Variants in LRRC45 observed in about 807,000 individuals in gnomAD.
LRRC45 encodes the protein leucine rich repeat containing 45.
Under a neutral mutation model 85.4 loss-of-function variants are expected in LRRC45, and 73 were observed. The observed-to-expected ratio is 0.85, with a 90% CI of 0.71 to 1.04. LRRC45 has a LOEUF of 1.04. Among genes scored for constraint, LRRC45 ranks in the 50% least tolerant of loss-of-function variants. The pLI, the probability that LRRC45 is intolerant of heterozygous loss-of-function variation, is 0.00. For missense variants in LRRC45, 937 were observed against 883.3 expected, an observed-to-expected ratio of 1.06 and a Z score of -0.77; for synonymous variants, 429 against 386.0, an observed-to-expected ratio of 1.11 and a Z score of -1.31.
At position 82,028,323 on chromosome 17, in the gene LRRC45, G is replaced by A; in HGVS notation, c.1125+12G>A. 1.2e-6 allele frequency: 2 copies of A among 1,600,454 alleles called. No individual in the cohort carries two copies. Among genetic ancestry groups the A allele is most frequent in the South Asian group, 1.1e-5 (1 of 89,378 alleles). On this transcript the variant is annotated intron_variant, in intron 10 of 16. Coordinates refer to ENST00000306688, the MANE Select transcript of LRRC45 (RefSeq NM_144999.4). Reference sequence around the variant, plus strand: ...TTCTGCAAAACCAGGTAGCTGTGGTGGATGGAGCCAGGGAGCCCAGGGTGG... The same window carrying A: ...TTCTGCAAAACCAGGTAGCTGTGGTAGATGGAGCCAGGGAGCCCAGGGTGG...
At chr17:82,026,378 G>T (rs1047791661) in intron 5 of LRRC45, among the ~76,000 whole-genome samples, 1 of 152,138 alleles carries the variant, frequency 6.6e-6, no homozygotes, top group Non-Finnish European at 1.5e-5. Context: ...ACACCAGGCG[G>T]CTCTTGCTCA....
At chr17:82,027,330 G>A (rs145375632) in intron 6 of LRRC45, 56 bp from the exon 7 acceptor site, 8 of 1,594,020 alleles carry the variant, frequency 5.0e-6, no homozygotes, top group Non-Finnish European at 6.9e-6. Context: ...CCCTGAGAAG[G>A]TCAGGTGGAC....
At chr17:82,029,399 G>A (rs1352027088) in intron 13 of LRRC45, 144 bp from the exon 14 acceptor site, 9 of 1,006,302 alleles carry the variant, frequency 8.9e-6, no homozygotes, top group Middle Eastern at 3.1e-4. Flanking sequence ...CTTGCCCAGC[G>A]AGCTAGGTGG....
rs1222396237 is a variant in LRRC45, at chr17:82,026,928, C to T, written c.691C>T (p.Leu231Phe). The stretch of plus-strand genomic sequence containing the variant: ...AGCCATGGGCCACAGCCAGGACCGG[C>T]TCACCACCTTCCAGGAGAACCAAGC... ...EQAMGHSQDR[L>F]TTFQENQART... The change falls in exon 6 of 17, where the codon CTC becomes TTC. Residue 231 changes from leucine (L) to phenylalanine (F), a missense_variant. Transcript: ENST00000306688. The T allele has an allele frequency of 6.2e-7, 1 of 1,607,636 alleles. No homozygotes were observed. Among genetic ancestry groups the T allele is most frequent in the Non-Finnish European group, 8.5e-7 (1 of 1,178,824 alleles).
Position 82,031,023 on chromosome 17 carries a change from C to T in LRRC45, c.*218C>T. The T allele has an allele frequency of 2.5e-6, 1 of 396,826 alleles. No homozygotes were observed. Among genetic ancestry groups the T allele is most frequent in the East Asian group, 3.6e-5 (1 of 27,840 alleles). The allele number at this position is 396,826 out of a possible 1,614,324, so 24.6% of individuals were successfully genotyped here. On this transcript the variant is annotated 3_prime_UTR_variant, in exon 17 of 17. Transcript: ENST00000306688. ...GGCCCCTTCTTCCCGGTCGACGCCACGTGGGAGCACACCGGGAAGGGGTCC... is the reference window on the plus strand; with the variant it reads ...GGCCCCTTCTTCCCGGTCGACGCCATGTGGGAGCACACCGGGAAGGGGTCC...
chr17:82,027,748 C>T lies in LRRC45; in HGVS notation c.908C>T (p.Ala303Val), dbSNP rs777512439. 2.5e-6 allele frequency: 4 copies of T among 1,610,408 alleles called. No homozygotes were observed. The highest frequency in any genetic ancestry group is 1.3e-5 in the African/African-American group (1 of 74,884). ...ERHSIINALKAKLQMTEAALA... is the reference protein window; with the variant it reads ...ERHSIINALKVKLQMTEAALA... ...CACTCCATCATCAACGCTCTCAAGG[C>T]CAAGTAAGTGGGGGGTGGCCTCAGG... Residue 303 changes from alanine to valine, a missense_variant, in exon 8 of 17, where the codon GCC becomes GTC. Transcript: ENST00000306688.
At chr17:82,029,783 G>C (rs572042390) in intron 14 of LRRC45, 148 bp downstream of exon 14, 108 of 853,338 alleles carry the variant, frequency 1.3e-4, no homozygotes, top group Non-Finnish European at 2.6e-5. Flanking sequence ...TGGTGGGTCC[G>C]CTTCAGCCTT....
At chr17:82,023,955 C>A in intron 1 of LRRC45, 92 bp downstream of exon 1, 3 of 1,238,484 alleles carry the variant, frequency 2.4e-6, no homozygotes, top group Non-Finnish European at 3.3e-6. Flanking sequence ...CCAGGCTCTC[C>A]AATTTCTGTG....
At chr17:82,029,829 A>G (rs1185326592) in intron 14 of LRRC45, among the ~76,000 whole-genome samples, 194 bp downstream of exon 14, 2 of 152,204 alleles carry the variant, frequency 1.3e-5, no homozygotes, top group South Asian at 2.1e-4. Flanking sequence ...GGTTTGGCCC[A>G]TCTCTGCAGC....
At position 82,026,991 on chromosome 17, in the gene LRRC45, C is replaced by T. The variant is rs753160647; in HGVS notation, c.754C>T (p.Arg252Trp). Residue 252 changes from arginine (R) to tryptophan (W), a missense_variant, in exon 6 of 17, where the codon CGG (arginine) becomes TGG (tryptophan). Transcript: ENST00000306688. Reference sequence around the variant, plus strand: ...CCTCAGCAAGGAGGTCCAGCACCTCCGGGAGGAGAAGTCCAAGCAGGTGAG... The same window carrying T: ...CCTCAGCAAGGAGGTCCAGCACCTCTGGGAGGAGAAGTCCAAGCAGGTGAG... Reference protein sequence around the residue: ...HVLSKEVQHLREEKSKQFLDL... With the variant: ...HVLSKEVQHLWEEKSKQFLDL... 10 of 1,602,654 alleles carry T rather than the reference C, an allele frequency of 6.2e-6. No homozygotes were observed. The highest frequency in any genetic ancestry group is 3.4e-5 in the Admixed American group (2 of 58,480).
chr17:82,028,405 G>A lies in LRRC45; in HGVS notation c.1134G>A (p.Glu378=), dbSNP rs376967468. The A allele has an allele frequency of 3.1e-6, 5 of 1,612,714 alleles. No homozygotes were observed. Among genetic ancestry groups the A allele is most frequent in the African/African-American group, 1.3e-5 (1 of 75,080 alleles). ...KNLLLQNQVD[E]LERKFRCQQE... is the part of the protein sequence containing the mutation. ...CTGGTGCCGGCTTTCAGGTAGACGA[G>A]TTGGAGCGGAAGTTCAGGTGTCAGC... is the stretch of plus-strand genomic sequence containing the variant. Residue 378 remains glutamate (E), a synonymous_variant, in exon 11 of 17, where the codon GAG becomes GAA. Coordinates refer to ENST00000306688, the MANE Select transcript of LRRC45 (RefSeq NM_144999.4).
Position 82,030,792 on chromosome 17 carries a change from G to GC in LRRC45, c.2006dup (p.Ter671ValfsTer11). The GC allele has an allele frequency of 9.4e-6, 13 of 1,379,514 alleles. No homozygotes were observed. Among genetic ancestry groups the GC allele is most frequent in the Non-Finnish European group, 1.2e-5 (13 of 1,050,604 alleles). 85.5% of individuals were successfully genotyped at this position (1,379,514 alleles called of 1,614,324 possible). On this transcript the variant is annotated frameshift_variant, in exon 17 of 17. Coordinates refer to ENST00000306688, the MANE Select transcript of LRRC45 (RefSeq NM_144999.4). LOFTEE classifies it high-confidence loss of function. ...CAGGCGTCCCCCGTGAGGACCCTGA[G>GC]CCCCCCAAAGTGAGACAGGCCGGGA...
Position 82,024,349 on chromosome 17 carries a change from C to T in LRRC45, c.282+10C>T. 1.2e-6 allele frequency: 2 copies of T among 1,612,138 alleles called. No homozygotes were observed. The highest frequency in any genetic ancestry group is 1.7e-6 in the Non-Finnish European group (2 of 1,179,882). On this transcript the variant is annotated intron_variant, in intron 2 of 16. Transcript: ENST00000306688. Reference sequence around the variant, plus strand: ...CTTTCTGGACTTAAAGGTGAGATACCTGCACTCTTGAGTGTCCGAGTGTGC... The same window carrying T: ...CTTTCTGGACTTAAAGGTGAGATACTTGCACTCTTGAGTGTCCGAGTGTGC...
chr17:82,029,687 G>T, intron 14 of LRRC45, 52 bp downstream of exon 14: 1 of 1,510,368 alleles, frequency 6.6e-7, no homozygotes, highest in Non-Finnish European at 9.0e-7. Context: ...GCCCGGCATT[G>T]CGGCCCGCAT....
At chr17:82,027,916 T>C (rs934486902) in intron 8 of LRRC45, 95 bp from the exon 9 acceptor site, 2 of 1,524,862 alleles carry the variant, frequency 1.3e-6, no homozygotes. Flanking sequence ...CTGGCTGGGG[T>C]TGACTAGGTG....
At position 82,030,394 on chromosome 17, in the gene LRRC45, C is replaced by T. The variant is rs1474686286; in HGVS notation, c.1744C>T (p.Arg582Trp). The change falls in exon 16 of 17, where the codon CGG becomes TGG. Residue 582 changes from arginine to tryptophan, a missense_variant. Physicochemically the swap from Arg to Trp is moderately radical, Grantham distance 101. Transcript: ENST00000306688. ...CGTGGAGCTGCAGGAGCAGAACGGC[C>T]GGCTGCAGGCGGAGCTGGCGGCTCA... is the stretch of plus-strand genomic sequence containing the variant. ...VRVELQEQNG[R>W]LQAELAAQEA... The T allele has an allele frequency of 1.9e-6, 3 of 1,549,716 alleles. No individual in the cohort carries two copies. The highest frequency in any genetic ancestry group is 2.4e-5 in the East Asian group (1 of 41,000).
rs2144152182 is a variant in LRRC45 at position 82,030,839 on chromosome 17, G to A, written c.*34G>A. The A allele has an allele frequency of 2.3e-6, 3 of 1,301,752 alleles. No homozygotes were observed. In the East Asian group the frequency reaches 8.5e-5, roughly 37 times the overall value. The allele number at this position is 1,301,752 out of a possible 1,614,324, so 80.6% of individuals were successfully genotyped here. A position where few individuals can be genotyped will look rare whatever the true frequency, so the allele number is the denominator to read the frequency against. On this transcript the variant is annotated 3_prime_UTR_variant, in exon 17 of 17. Transcript: ENST00000306688. ...GGGAGGACCCGGGCGCAGTAGGAGT[G>A]CATCAGGCGGCGCCCGAGATGGACC... is the stretch of plus-strand genomic sequence containing the variant.
In LRRC45 at chr17:82,028,037, CT is replaced by C; in HGVS notation, c.939del (p.Leu314CysfsTer21). The C allele has an allele frequency of 6.2e-7, 1 of 1,607,150 alleles. No individual in the cohort carries two copies. Among genetic ancestry groups the C allele is most frequent in the South Asian group, 1.1e-5 (1 of 90,608 alleles). On this transcript the variant is annotated frameshift_variant, in exon 9 of 17. Transcript: ENST00000306688. LOFTEE classifies it high-confidence loss of function. ...CTGCAGATGACAGAGGCCGCCCTGGCTCTGTCGGAGCAGAAGGCCCAGGACC... is the reference window on the plus strand; with the variant it reads ...CTGCAGATGACAGAGGCCGCCCTGGCCTGTCGGAGCAGAAGGCCCAGGACC... ...AKLQMTEAAL[A>X]LSEQKAQDLG...
Position 82,030,751 on chromosome 17 carries a change from C to A in LRRC45, c.1959C>A (p.Ala653=). The A allele has an allele frequency of 6.8e-7, 1 of 1,465,730 alleles. No homozygotes were observed. Among genetic ancestry groups the A allele is most frequent in the Non-Finnish European group, 9.1e-7 (1 of 1,096,136 alleles). The allele number at this position is 1,465,730 out of a possible 1,614,324, so 90.8% of individuals were successfully genotyped here. ...AGAGGGCGAGCTTCCTGCAGAACGCCGTCCTGGCTTACGTGCAGGCGTCCC... is the reference window on the plus strand; with the variant it reads ...AGAGGGCGAGCTTCCTGCAGAACGCAGTCCTGGCTTACGTGCAGGCGTCCC... ...EAQRASFLQN[A]VLAYVQASPV... is the part of the protein sequence containing the mutation. The change falls in exon 17 of 17, where the codon GCC becomes GCA. Residue 653 remains alanine, a synonymous_variant. Transcript: ENST00000306688.
Sources: gnomAD v4.1 joint callset for allele counts (sites outside exome capture counted in the v4.1 genomes callset) on GRCh38, gnomAD v4.1.1 for gene constraint, MANE v1.5 for transcripts, NCBI Gene and HGNC (gene_info 2026-07-23, HGNC 2026-07-21) for gene names.